Variants in COCH observed in about 807,000 individuals in gnomAD.
COCH encodes coagulation factor C homolog, cochlin (Limulus polyphemus).
In COCH, 40 loss-of-function variants were observed where a neutral mutation model predicts 54.8. That is an observed-to-expected ratio of 0.73 (90% CI 0.57 to 0.95). The LOEUF (loss-of-function observed/expected upper bound fraction) is 0.95. Ranked by LOEUF, COCH falls within the 40% of genes least tolerant of loss-of-function variation. The pLI is 0.00. For missense variants in COCH, 605 were observed against 675.0 expected, an observed-to-expected ratio of 0.90 and a Z score of 1.15; for synonymous variants, 256 against 237.9, an observed-to-expected ratio of 1.08 and a Z score of -0.70.
In COCH at chr14:30,884,611, T is replaced by C; in HGVS notation, c.688T>C (p.Phe230Leu). ...CTTTACATCAGCCAAAGATGTTTTG[T>C]TTGCCATAAAGGAAGTAGGTTTCAG... Reference protein sequence around the residue: ...KNFTSAKDVLFAIKEVGFRGG... With the variant: ...KNFTSAKDVLLAIKEVGFRGG... The change falls in exon 9 of 12, where the codon TTT (phenylalanine) becomes CTT (leucine). Residue 230 changes from phenylalanine to leucine, a missense_variant. Coordinates refer to ENST00000396618, the MANE Select transcript of COCH (RefSeq NM_004086.3). 6.2e-7 allele frequency: 1 copy of C among 1,613,904 alleles called. No homozygotes were observed. Among genetic ancestry groups the C allele is most frequent in the South Asian group, 1.1e-5 (1 of 91,084 alleles).
At chr14:30,878,459 G>A (rs548725836) in intron 4 of COCH, among the ~76,000 whole-genome samples, 20 of 152,214 alleles carry the variant, frequency 1.3e-4, no homozygotes, top group South Asian at 1.0e-3. Context: ...TCAGGAGTTC[G>A]AGACCTAGCC....
intron 11 of COCH, among the ~76,000 whole-genome samples, chr14:30,886,920 C>T (rs1421714048): frequency 1.3e-5 from 2 of 152,120 alleles, no homozygotes; most frequent in Non-Finnish European, 2.9e-5. Context: ...GGGGGTCTCA[C>T]TTTGTTGCCC....
Position 30,877,465 on chromosome 14 carries a change from G to C in COCH, c.83-107G>C. On this transcript the variant is annotated intron_variant, in intron 3 of 11. Transcript: ENST00000396618. The surrounding 1 kb of genome is among the most constrained non-coding windows in gnomAD (Gnocchi z 8.6). ...TATAAGTCAATAGTCATAACTAGAAGTGTAGAAATTAGGGAAGTAAAACTT... is the reference window on the plus strand; with the variant it reads ...TATAAGTCAATAGTCATAACTAGAACTGTAGAAATTAGGGAAGTAAAACTT... 7.3e-7 allele frequency: 1 copy of C among 1,365,356 alleles called. No homozygotes were observed. Among genetic ancestry groups the C allele is most frequent in the Middle Eastern group, 1.8e-4 (1 of 5,634 alleles). The allele number at this position is 1,365,356 out of a possible 1,614,324, so 84.6% of individuals were successfully genotyped here.
chr14:30,890,254 G>T lies in COCH; in HGVS notation c.*463G>T. 1 of 986,440 alleles carries T rather than the reference G, an allele frequency of 1.0e-6. No homozygotes were observed. The allele number at this position is 986,440 out of a possible 1,614,324, so 61.1% of individuals were successfully genotyped here. A position where few individuals can be genotyped will look rare whatever the true frequency, so the allele number is the denominator to read the frequency against. ...AGGTACACATATTTTGACCCAAGTG[G>T]ATATTTTCTTAAAACCAATCAATAA... On this transcript the variant is annotated 3_prime_UTR_variant, in exon 12 of 12. Transcript: ENST00000396618.
At chr14:30,891,276 TC>T (rs775783494), downstream of COCH, among the ~76,000 whole-genome samples, 1 of 152,154 alleles carries the variant, frequency 6.6e-6, no homozygotes, top group Non-Finnish European at 1.5e-5. Context: ...CCAAGGCCTC[TC>T]CCAAAAGACA....
Position 30,890,339 on chromosome 14 carries a change from T to A in COCH, c.*548T>A. The A allele has an allele frequency of 1.0e-6, 1 of 985,706 alleles. No homozygotes were observed. Among genetic ancestry groups the A allele is most frequent in the South Asian group, 4.7e-5 (1 of 21,304 alleles). 61.1% of individuals were successfully genotyped at this position (985,706 alleles called of 1,614,324 possible). On this transcript the variant is annotated 3_prime_UTR_variant, in exon 12 of 12. Coordinates refer to ENST00000396618, the MANE Select transcript of COCH (RefSeq NM_004086.3). ...TATAGAAAGGAGACCTGTATCAAAC[T>A]GCTTTTGTAGTGTGTTTTCATAACA...
chr14:30,895,591 A>C (rs200172123), downstream of COCH: 20 of 1,610,464 alleles, frequency 1.2e-5, no homozygotes, highest in Admixed American at 3.4e-4. Context: ...CTGTAAAAGA[A>C]CAAATAAAAT....
Position 30,878,819 on chromosome 14 carries a change from T to A in COCH, c.248T>A (p.Ile83Asn). Reference sequence around the variant, plus strand: ...CTATTCTTGTGTTACAGGGGAGTAATCAGCAACTCAGGGGGACCTGTACGA... The same window carrying A: ...CTATTCTTGTGTTACAGGGGAGTAAACAGCAACTCAGGGGGACCTGTACGA... ...ICGAAVHRGV[I>N]SNSGGPVRVY... The change falls in exon 5 of 12, where the codon ATC becomes AAC. Residue 83 changes from isoleucine (I) to asparagine (N), a missense_variant. Coordinates refer to ENST00000396618, the MANE Select transcript of COCH (RefSeq NM_004086.3). The A allele has an allele frequency of 6.2e-7, 1 of 1,614,146 alleles. No individual in the cohort carries two copies.
At chr14:30,874,757 C>T in intron 1 of COCH, 159 bp from the exon 2 acceptor site, 1 of 686,514 alleles carries the variant, frequency 1.5e-6, no homozygotes, top group Non-Finnish European at 2.5e-6. Context: ...CGCCGAGGCG[C>T]CTCCCAGACC....
chr14:30,874,836 C>T (rs1895293794), intron 1 of COCH, 80 bp from the exon 2 acceptor site: 1 of 1,372,466 alleles, frequency 7.3e-7, no homozygotes, highest in Non-Finnish European at 1.0e-6. Flanking sequence ...CCCGGGGATC[C>T]GAAGGGTGCG....
intron 9 of COCH, 82 bp downstream of exon 9, chr14:30,884,738 T>C (rs1895722940): frequency 7.6e-7 from 1 of 1,309,870 alleles, no homozygotes; most frequent in Non-Finnish European, 1.1e-6. Flanking sequence ...TATGCTATTT[T>C]ATATGAGCAG....
At chr14:30,882,126 T>TG (rs1895624730) in intron 8 of COCH, among the ~76,000 whole-genome samples, 14 of 99,608 alleles carry the variant, frequency 1.4e-4, no homozygotes, top group African/African-American at 4.9e-4. Flanking sequence ...AATGGTTTTT[T>TG]TTTTTTTTTT....
At chr14:30,878,202 A>T (rs927461593) in intron 4 of COCH, among the ~76,000 whole-genome samples, 1 of 152,248 alleles carries the variant, frequency 6.6e-6, no homozygotes, top group Non-Finnish European at 1.5e-5. Flanking sequence ...GTCCAAAGGC[A>T]TGTAGCTAAA....
chr14:30,884,461 G>A lies in COCH; in HGVS notation c.630-92G>A, dbSNP rs892774401. ...GAATTAAGAAAGAAACTTGTGTGTTGTCTGGTTTTAAAACTGTTTTTTAAG... is the reference window on the plus strand; with the variant it reads ...GAATTAAGAAAGAAACTTGTGTGTTATCTGGTTTTAAAACTGTTTTTTAAG... On this transcript the variant is annotated intron_variant, in intron 8 of 11. Coordinates refer to ENST00000396618, the MANE Select transcript of COCH (RefSeq NM_004086.3). 8 of 819,228 alleles carry A rather than the reference G, an allele frequency of 9.8e-6. No homozygotes were observed. In the African/African-American group the frequency reaches 1.4e-4, roughly 14 times the overall value. The allele number at this position is 819,228 out of a possible 1,614,324, so 50.7% of individuals were successfully genotyped here.
chr14:30,892,731 T>C (rs1393620275), downstream of COCH, among the ~76,000 whole-genome samples: 1 of 151,684 alleles, frequency 6.6e-6, no homozygotes, highest in Non-Finnish European at 1.5e-5. Flanking sequence ...CACTTGAACC[T>C]GGGAGACGGA....
At chr14:30,888,025 G>C (rs1000138713) in intron 11 of COCH, among the ~76,000 whole-genome samples, 2 of 152,094 alleles carry the variant, frequency 1.3e-5, no homozygotes, top group African/African-American at 4.8e-5. Context: ...ATTGAAAGTT[G>C]CAAAAGCCAG....
intron 8 of COCH, among the ~76,000 whole-genome samples, chr14:30,882,133 T>TTTTTTTTG (rs1895627940): frequency 1.6e-5 from 2 of 124,996 alleles, no homozygotes; most frequent in Admixed American, 1.5e-4. Flanking sequence ...TTTTTTTTTT[T>TTTTTTTTG]TTTTTTTTTT....
At chr14:30,882,748 G>A (rs937053309) in intron 8 of COCH, among the ~76,000 whole-genome samples, 4 of 152,166 alleles carry the variant, frequency 2.6e-5, no homozygotes, top group Non-Finnish European at 4.4e-5. Flanking sequence ...ATTGAGCCAT[G>A]CACAGTGGCT....
intron 5 of COCH, 150 bp from the exon 6 acceptor site, chr14:30,879,273 G>A (rs1895485169): frequency 1.2e-6 from 1 of 818,510 alleles, no homozygotes; most frequent in Non-Finnish European, 2.0e-6. Flanking sequence ...AAGCATTTTG[G>A]TTCTCTGAAA....
Sources: gnomAD v4.1 joint callset for allele counts (sites outside exome capture counted in the v4.1 genomes callset) on GRCh38, gnomAD v4.1.1 for gene constraint, Gnocchi (gnomAD v3.1) non-coding constraint, MANE v1.5 for transcripts, NCBI Gene and HGNC (gene_info 2026-07-23, HGNC 2026-07-21) for gene names.